Variants in TTC23 observed in about 807,000 individuals in gnomAD.
TTC23 encodes the protein tetratricopeptide repeat protein 23.
A neutral mutation model predicts 55.1 loss-of-function variants in TTC23; 58 were observed. The observed-to-expected ratio is 1.05, with a 90% CI of 0.85 to 1.31. The LOEUF (loss-of-function observed/expected upper bound fraction) is 1.31, where lower values mean the gene tolerates loss of function less well. TTC23 is among the 50% of genes most tolerant of loss of function. The probability of loss-of-function intolerance (pLI) is 0.00; values close to 1 mark genes in which losing one functional copy is unlikely to be tolerated. For synonymous variants in TTC23, 203 were observed against 199.9 expected (o/e 1.02, Z -0.13); for missense variants, 516 against 534.4 (o/e 0.97, Z 0.34).
intron 9 of TTC23, among the ~76,000 whole-genome samples, chr15:99,180,573 CT>C (rs2074018566): frequency 6.6e-6 from 1 of 152,178 alleles, no homozygotes; most frequent in Non-Finnish European, 1.5e-5. Context: ...AAGAGAAAGC[CT>C]GATGACTAGT....
At chr15:99,229,843 G>A (rs922518239) in intron 4 of TTC23, among the ~76,000 whole-genome samples, 4 of 152,198 alleles carry the variant, frequency 2.6e-5, no homozygotes, top group African/African-American at 9.7e-5. Flanking sequence ...CATCTCAGTA[G>A]AGGCGATAAT....
intron 8 of TTC23, among the ~76,000 whole-genome samples, chr15:99,210,110 T>C (rs1427997978): frequency 6.6e-6 from 1 of 152,070 alleles, no homozygotes; most frequent in Admixed American, 6.5e-5. Flanking sequence ...GATATATGAT[T>C]ATATATTTAT....
intron 9 of TTC23, among the ~76,000 whole-genome samples, chr15:99,180,960 A>C (rs1459400454): frequency 6.6e-6 from 1 of 152,214 alleles, no homozygotes; most frequent in East Asian, 1.9e-4. Flanking sequence ...GAAGGAGGGA[A>C]CTAACATCGA....
intron 3 of TTC23, among the ~76,000 whole-genome samples, chr15:99,235,729 C>T (rs2079270380): frequency 6.6e-6 from 1 of 152,168 alleles, no homozygotes; most frequent in Non-Finnish European, 1.5e-5. Context: ...CATTGCTGTA[C>T]AACCATTACC....
chr15:99,247,406 G>GTA (rs1162294520), intron 1 of TTC23, among the ~76,000 whole-genome samples: 1 of 152,080 alleles, frequency 6.6e-6, no homozygotes, highest in African/African-American at 2.4e-5. Context: ...ATACTGTACT[G>GTA]TATTTACTGT....
chr15:99,170,771 A>G (rs1344471506), intron 10 of TTC23, among the ~76,000 whole-genome samples: 7 of 152,368 alleles, frequency 4.6e-5, no homozygotes, highest in Non-Finnish European at 8.8e-5. Context: ...GAGAGGTGAC[A>G]TAAAAGACAC....
At chr15:99,182,223 A>ATCTCTC (rs147417590) in intron 9 of TTC23, among the ~76,000 whole-genome samples, 11 of 132,414 alleles carry the variant, frequency 8.3e-5, no homozygotes, top group African/African-American at 1.7e-4. Context: ...TGTTCCAGAA[A>ATCTCTC]TCTCTCTCTC....
chr15:99,212,862 GTAGTCCCAGC>G (rs545226156), intron 8 of TTC23, among the ~76,000 whole-genome samples: 12 of 151,946 alleles, frequency 7.9e-5, no homozygotes, highest in African/African-American at 2.9e-4. Context: ...GCACGTGCCT[GTAGTCCCAGC>G]TAGTCAAGAG....
rs751034644 is a variant in TTC23 at position 99,221,755 on chromosome 15, T to C, written c.290A>G (p.Tyr97Cys). ...AEAHVNLAQG[Y>C]LQLKGLSLQA... ...GGCGAGCTTACCTTTCAGCTGGAGG[T>C]AGCCTTGAGCCAGATTAACATGTGC... The change falls in exon 6 of 14, where the codon TAC becomes TGC. Residue 97 changes from tyrosine to cysteine, a missense_variant. Coordinates refer to ENST00000394132, the MANE Select transcript of TTC23 (RefSeq NM_001288615.3). 56 of 1,613,888 alleles carry C rather than the reference T, an allele frequency of 3.5e-5. No homozygotes were observed. The South Asian group carries it at 5.9e-4, about 17-fold the overall frequency.
At chr15:99,187,469 C>CAAAAAAAAAAAAAAAAAAAAAAAAA (rs1451783999) in intron 9 of TTC23, among the ~76,000 whole-genome samples, 1 of 110,648 alleles carries the variant, frequency 9.0e-6, no homozygotes, top group Non-Finnish European at 1.8e-5. Flanking sequence ...AAAAAAAAAA[C>CAAAAAAAAAAAAAAAAAAAAAAAAA]AAAACAAAAG....
rs1009264124 is a variant in TTC23 at position 99,249,214 on chromosome 15, T to C, written c.-474A>G. On this transcript the variant is annotated 5_prime_UTR_variant, in exon 1 of 14. Transcript: ENST00000394132. ...TAATCTGGGCATGATGCTTTCAAAC[T>C]TCACCCTAAAGAGAAAAATGCTCTC... 1 of 152,156 alleles carries C rather than the reference T, an allele frequency of 6.6e-6. No individual in the cohort carries two copies. The highest frequency in any genetic ancestry group is 2.4e-5 in the African/African-American group (1 of 41,426). The allele number at this position is 152,156 out of a possible 1,614,324, so 9.4% of individuals were successfully genotyped here. A position where few individuals can be genotyped will look rare whatever the true frequency, so the allele number is the denominator to read the frequency against.
At chr15:99,160,452 C>T (rs866742676) in intron 11 of TTC23, 17 of 152,078 alleles carry the variant, frequency 1.1e-4, no homozygotes, top group African/African-American at 3.9e-4. Flanking sequence ...GTAACAACTA[C>T]TACCATAGCA....
intron 13 of TTC23, among the ~76,000 whole-genome samples, chr15:99,138,971 C>T (rs531556658): frequency 1.6e-4 from 24 of 152,182 alleles, no homozygotes; most frequent in Admixed American, 7.8e-4. Context: ...CCAGTCCTGA[C>T]GGGCATCCGA....
intron 9 of TTC23, among the ~76,000 whole-genome samples, chr15:99,197,442 A>G (rs2075838429): frequency 6.6e-6 from 1 of 152,152 alleles, no homozygotes; most frequent in Non-Finnish European, 1.5e-5. Context: ...TCACCTCAAC[A>G]AAGTCATCAA....
chr15:99,137,979 G>A lies in TTC23; in HGVS notation c.*31C>T, dbSNP rs2067721601. The A allele has an allele frequency of 1.9e-6, 3 of 1,613,638 alleles. No homozygotes were observed. The highest frequency in any genetic ancestry group is 2.7e-5 in the African/African-American group (2 of 74,928). On this transcript the variant is annotated 3_prime_UTR_variant, in exon 14 of 14. Coordinates refer to ENST00000394132, the MANE Select transcript of TTC23 (RefSeq NM_001288615.3). ...CAGCACCCTAAATGACAGTGCCCAG[G>A]AATGTCCTAGGCTTTTTCAGGGTGG... is the stretch of plus-strand genomic sequence containing the variant.
At position 99,228,740 on chromosome 15, in the gene TTC23, T is replaced by C; in HGVS notation, c.-20-8A>G. The C allele has an allele frequency of 1.3e-6, 2 of 1,525,754 alleles. No homozygotes were observed. Among genetic ancestry groups the C allele is most frequent in the South Asian group, 2.5e-5 (2 of 78,746 alleles). 94.5% of individuals were successfully genotyped at this position (1,525,754 alleles called of 1,614,324 possible). On this transcript the variant is annotated splice_region_variant and splice_polypyrimidine_tract_variant and intron_variant, in intron 4 of 13. Transcript: ENST00000394132. ...TTTTATATACATTGTCTTCTAATTT[T>C]AAAATAAAAAACAAAGATGTTAAAT...
chr15:99,144,656 C>T (rs1037379346), intron 12 of TTC23: 3 of 152,150 alleles, frequency 2.0e-5, no homozygotes, highest in Non-Finnish European at 4.4e-5. Context: ...TACAAGGCTA[C>T]GTGACTCCAT....
intron 3 of TTC23, among the ~76,000 whole-genome samples, chr15:99,238,131 A>G (rs995875089): frequency 6.6e-6 from 1 of 151,330 alleles, no homozygotes; most frequent in Non-Finnish European, 1.5e-5. Context: ...ATGCCTGGCT[A>G]ATTTTTTTTT....
chr15:99,153,166 C>T (rs149153385), intron 12 of TTC23, among the ~76,000 whole-genome samples: 65 of 152,304 alleles, frequency 4.3e-4, no homozygotes, highest in East Asian at 4.0e-3. Flanking sequence ...CCTCAGCTTC[C>T]GTCTCACCTC....
Sources: allele counts gnomAD v4.1 joint callset (sites outside exome capture counted in the v4.1 genomes callset), GRCh38; gene constraint gnomAD v4.1.1; transcripts MANE v1.5; gene names NCBI Gene and HGNC (gene_info 2026-07-23, HGNC 2026-07-21).